Variants in PRKCE observed in about 807,000 individuals in gnomAD.
PRKCE encodes protein kinase C epsilon.
Under a neutral mutation model 85.4 loss-of-function variants are expected in PRKCE, and 16 were observed. The ratio of observed to expected loss-of-function variants is 0.19; its 90% CI spans 0.13 to 0.28. The LOEUF (loss-of-function observed/expected upper bound fraction) is 0.28. Ranked by LOEUF, PRKCE falls within the 10% of genes least tolerant of loss-of-function variation. PRKCE has a pLI of 1.00. For synonymous variants in PRKCE, 388 were observed against 371.5 expected, an observed-to-expected ratio of 1.04 and a Z score of -0.51; for missense variants, 573 against 975.2, an observed-to-expected ratio of 0.59 and a Z score of 5.49.
Position 46,184,712 on chromosome 2 carries a change from C to G in PRKCE, c.2068-23C>G. 5 of 1,598,368 alleles carry G rather than the reference C, an allele frequency of 3.1e-6. No individual in the cohort carries two copies. The highest frequency in any genetic ancestry group is 4.2e-6 in the Non-Finnish European group (5 of 1,179,198). On this transcript the variant is annotated intron_variant, in intron 14 of 14. Coordinates refer to ENST00000306156, the MANE Select transcript of PRKCE (RefSeq NM_005400.3). This position sits in a 1 kb window ranked among gnomAD's most constrained non-coding sequence, Gnocchi z 5.0. ...AGGAGGGAGAGCAGCCTCAACTCAC[C>G]ACTTTCTCTTTTCTTCCCACAGAAA...
intron 1 of PRKCE, among the ~76,000 whole-genome samples, chr2:45,721,600 G>A (rs535768576): frequency 6.6e-6 from 1 of 152,222 alleles, no homozygotes; most frequent in East Asian, 1.9e-4. Flanking sequence ...GAGTTGACAT[G>A]GTGGCTCACG....
intron 11 of PRKCE, among the ~76,000 whole-genome samples, chr2:46,122,254 C>T (rs371932698): frequency 6.4e-4 from 98 of 152,048 alleles, no homozygotes; most frequent in African/African-American, 1.9e-3. Context: ...TTTTTTGAGA[C>T]GGAGTCTTGT....
chr2:45,732,147 T>G (rs755739331), intron 1 of PRKCE, among the ~76,000 whole-genome samples: 3 of 146,598 alleles, frequency 2.0e-5, no homozygotes, highest in Non-Finnish European at 4.6e-5. Context: ...TTATGAGAGC[T>G]TTTTTTTGGA....
chr2:45,727,492 C>T (rs1033398718), intron 1 of PRKCE, among the ~76,000 whole-genome samples: 8 of 152,112 alleles, frequency 5.3e-5, no homozygotes, highest in Non-Finnish European at 8.8e-5. Context: ...GGAGGGAGGG[C>T]ATTCCAGGTA....
intron 1 of PRKCE, among the ~76,000 whole-genome samples, chr2:45,669,507 G>A (rs17033964): frequency 0.091 from 13,874 of 152,206 alleles, 886 homozygotes; most frequent in East Asian, 0.23. Flanking sequence ...GGACTGGACT[G>A]AGCTTGATAC....
chr2:46,159,501 G>A lies in PRKCE; in HGVS notation c.1921-105G>A. On this transcript the variant is annotated intron_variant, in intron 13 of 14. Transcript: ENST00000306156. This position sits in a 1 kb window ranked among gnomAD's most constrained non-coding sequence, Gnocchi z 4.1. ...TTGAAAGTGCAAAGAACAGACTTGGGAGGCGATGCTGAAGATGCTGCTTTG... is the reference window on the plus strand; with the variant it reads ...TTGAAAGTGCAAAGAACAGACTTGGAAGGCGATGCTGAAGATGCTGCTTTG... 1.6e-6 allele frequency: 2 copies of A among 1,229,928 alleles called. No homozygotes were observed. The highest frequency in any genetic ancestry group is 2.6e-5 in the East Asian group (1 of 39,034). 76.2% of individuals were successfully genotyped at this position (1,229,928 alleles called of 1,614,324 possible). A position where few individuals can be genotyped will look rare whatever the true frequency, so the allele number is the denominator to read the frequency against.
In PRKCE at chr2:46,123,214, C is replaced by CTTTTTTTTTTTTTTTTTTTTTTTTT. The variant is rs70937991; in HGVS notation, c.1593-21874_1593-21850dup. Among the ~76,000 whole-genome samples, 96 of 27,372 alleles carry CTTTTTTTTTTTTTTTTTTTTTTTTT rather than the reference C, an allele frequency of 3.5e-3. 29 individuals carry two copies. Among genetic ancestry groups the CTTTTTTTTTTTTTTTTTTTTTTTTT allele is most frequent in the Non-Finnish European group, 4.8e-3 (72 of 15,120 alleles). 18.0% of individuals were successfully genotyped at this position (27,372 alleles called of 152,430 possible). ...AAGCTTTACAAAGGAAAACACTTGC[C>CTTTTTTTTTTTTTTTTTTTTTTTTT]TTTTTTTTTTTTTTTTTTTTTTTTT... On this transcript the variant is annotated intron_variant, in intron 11 of 14. Transcript: ENST00000306156.
intron 12 of PRKCE, among the ~76,000 whole-genome samples, chr2:46,149,806 A>G (rs539012760): frequency 1.7e-4 from 26 of 151,014 alleles, no homozygotes; most frequent in African/African-American, 6.3e-4. Context: ...TCATGTATTT[A>G]TGACATATGT....
intron 1 of PRKCE, among the ~76,000 whole-genome samples, chr2:45,821,133 C>G (rs1025785026): frequency 2.0e-5 from 3 of 152,148 alleles, no homozygotes; most frequent in African/African-American, 7.2e-5. Flanking sequence ...GCCTCTTGTA[C>G]CCTATCTCAC....
chr2:46,016,680 A>T (rs542651834), intron 10 of PRKCE, among the ~76,000 whole-genome samples: 1 of 152,104 alleles, frequency 6.6e-6, no homozygotes, highest in African/African-American at 2.4e-5. Context: ...AGGCCGAGGC[A>T]GGTGGATCAC....
chr2:45,773,892 G>T (rs1471224274), intron 1 of PRKCE, among the ~76,000 whole-genome samples: 1 of 152,154 alleles, frequency 6.6e-6, no homozygotes, highest in African/African-American at 2.4e-5. Context: ...GGTGCCCTGG[G>T]CAGCTGCCCA....
chr2:45,819,486 G>A (rs997121258), intron 1 of PRKCE, among the ~76,000 whole-genome samples: 7 of 152,188 alleles, frequency 4.6e-5, no homozygotes, highest in Admixed American at 2.6e-4. Flanking sequence ...CTGAGTGGCC[G>A]TTCTGTCCCT....
chr2:45,775,745 C>T (rs79362709), intron 1 of PRKCE, among the ~76,000 whole-genome samples: 15 of 152,290 alleles, frequency 9.8e-5, no homozygotes, highest in African/African-American at 3.4e-4. Flanking sequence ...CCTCGGGTTA[C>T]GTTATTCTTC....
At chr2:45,733,954 G>A (rs555271722) in intron 1 of PRKCE, among the ~76,000 whole-genome samples, 78 of 152,206 alleles carry the variant, frequency 5.1e-4, no homozygotes, top group Admixed American at 1.8e-3. Context: ...TAGCTTCAAG[G>A]AAAACCTCCT....
At chr2:45,778,388 G>C (rs574024359) in intron 1 of PRKCE, among the ~76,000 whole-genome samples, 1 of 152,256 alleles carries the variant, frequency 6.6e-6, no homozygotes, top group South Asian at 2.1e-4. Context: ...TTTATGCTCT[G>C]GGAGACCCTG....
Position 45,980,281 on chromosome 2 carries a change from C to A in PRKCE, c.608-15C>A, listed in dbSNP as rs1183524198. On this transcript the variant is annotated splice_polypyrimidine_tract_variant and intron_variant, in intron 4 of 14. Transcript: ENST00000306156. ...CCTGAGTGTCATTCAGCCTTCCTGT[C>A]TTTGCTATTTGCAGTCTGCACCTGC... The A allele has an allele frequency of 1.3e-6, 2 of 1,599,196 alleles. No individual in the cohort carries two copies. Among genetic ancestry groups the A allele is most frequent in the South Asian group, 2.2e-5 (2 of 91,064 alleles).
At chr2:45,977,494 G>T (rs1702548348) in intron 3 of PRKCE, among the ~76,000 whole-genome samples, 1 of 151,962 alleles carries the variant, frequency 6.6e-6, no homozygotes, top group South Asian at 2.1e-4. Flanking sequence ...AAAATTAGCT[G>T]GCCATGGTGG....
intron 11 of PRKCE, among the ~76,000 whole-genome samples, chr2:46,097,100 C>A (rs567118634): frequency 2.6e-5 from 4 of 152,106 alleles, no homozygotes; most frequent in African/African-American, 9.7e-5. Context: ...CCAGATCTCA[C>A]AACCAGGTGA....
chr2:45,862,462 T>C (rs781280030), intron 2 of PRKCE, among the ~76,000 whole-genome samples: 24 of 152,336 alleles, frequency 1.6e-4, no homozygotes, highest in Middle Eastern at 3.4e-3. Flanking sequence ...ATCTTTTTTC[T>C]TGGTGTCAGC....
Sources: gnomAD v4.1 joint callset for allele counts (sites outside exome capture counted in the v4.1 genomes callset) on GRCh38, gnomAD v4.1.1 for gene constraint, Gnocchi (gnomAD v3.1) non-coding constraint, MANE v1.5 for transcripts, NCBI Gene and HGNC (gene_info 2026-07-23, HGNC 2026-07-21) for gene names.